The following NECTIN1 variants were observed in gnomAD, a reference collection of about 807,000 sequenced individuals.
NECTIN1 encodes nectin cell adhesion molecule 1.
Under a neutral mutation model 48.0 loss-of-function variants are expected in NECTIN1, and 23 were observed. That is an observed-to-expected ratio of 0.48 (90% CI 0.34 to 0.68). NECTIN1 has a LOEUF of 0.68. Among genes scored for constraint, NECTIN1 ranks in the 30% least tolerant of loss-of-function variants. NECTIN1 has a pLI of 0.01. For synonymous variants in NECTIN1, 270 were observed against 288.9 expected, an observed-to-expected ratio of 0.93 and a Z score of 0.66; for missense variants, 591 against 709.9, an observed-to-expected ratio of 0.83 and a Z score of 1.90.
intron 1 of NECTIN1, among the ~76,000 whole-genome samples, chr11:119,715,436 A>G (rs1370926256): frequency 4.7e-5 from 7 of 150,118 alleles, no homozygotes; most frequent in African/African-American, 1.7e-4. Flanking sequence ...GCTCAGTGCA[A>G]CCTCCGCCTC....
At position 119,664,031 on chromosome 11, in the gene NECTIN1, C is replaced by G; in HGVS notation, c.*716G>C. On this transcript the variant is annotated 3_prime_UTR_variant, in exon 6 of 6. Transcript: ENST00000264025. The stretch of plus-strand genomic sequence containing the variant: ...CACCTGGAGCCCCTAATGGAGGGGG[C>G]ACATTGGGGATAAAGAGGGGACGCG... 1.0e-6 allele frequency: 1 copy of G among 985,696 alleles called. No individual in the cohort carries two copies. Among genetic ancestry groups the G allele is most frequent in the African/African-American group, 1.7e-5 (1 of 57,240 alleles). The allele number at this position is 985,696 out of a possible 1,614,324, so 61.1% of individuals were successfully genotyped here.
rs558830026 is a variant in NECTIN1 at position 119,644,807 on chromosome 11, G to A, written c.1004-4795C>T. On this transcript the variant is annotated intron_variant, in intron 5 of 7. Coordinates refer to the NECTIN1 transcript ENST00000341398. The stretch of plus-strand genomic sequence containing the variant: ...TATATGAGGGAAATTCCAAGTATTG[G>A]ATATGGCTGGGAAATGGGCTGCAAA... Among the ~76,000 whole-genome samples the A allele has an allele frequency of 5.3e-5, 8 of 152,220 alleles. No homozygotes were observed. In the South Asian group the frequency reaches 1.7e-3, roughly 32 times the overall value.
At position 119,677,918 on chromosome 11, in the gene NECTIN1, C is replaced by T. The variant is rs147708605; in HGVS notation, c.431-61G>A. Reference sequence around the variant, plus strand: ...TGTTGACTTGTCCAAGATGCACCGGCCAAAAGGGCGTGGCATCCGTCAGGC... The same window carrying T: ...TGTTGACTTGTCCAAGATGCACCGGTCAAAAGGGCGTGGCATCCGTCAGGC... On this transcript the variant is annotated intron_variant, in intron 2 of 5. Coordinates refer to ENST00000264025, the MANE Select transcript of NECTIN1 (RefSeq NM_002855.5). The surrounding 1 kb of genome is among the most constrained non-coding windows in gnomAD (Gnocchi z 5.4). 3 of 1,553,522 alleles carry T rather than the reference C, an allele frequency of 1.9e-6. No homozygotes were observed. The highest frequency in any genetic ancestry group is 3.4e-5 in the Admixed American group (2 of 59,612).
At chr11:119,652,054 G>A (rs1315889532) in intron 5 of NECTIN1, among the ~76,000 whole-genome samples, 4 of 152,116 alleles carry the variant, frequency 2.6e-5, no homozygotes, top group African/African-American at 9.7e-5. Flanking sequence ...CCCTCCCGCC[G>A]GCTGCCATCC....
At chr11:119,639,955 A>G in exon 6 of NECTIN1, 1 of 1,614,126 alleles carries the variant, frequency 6.2e-7, no homozygotes, top group Non-Finnish European at 8.5e-7. Context: ...GAACACGGCC[A>G]CGGTGCCCGC....
chr11:119,658,832 C>A (rs1402462730), downstream of NECTIN1, among the ~76,000 whole-genome samples: 1 of 152,198 alleles, frequency 6.6e-6, no homozygotes, highest in African/African-American at 2.4e-5. Context: ...TTCCTCCCCT[C>A]CTGCTGCTCT....
chr11:119,694,253 A>G (rs754114463), intron 1 of NECTIN1, among the ~76,000 whole-genome samples: 6 of 151,976 alleles, frequency 3.9e-5, no homozygotes, highest in Admixed American at 3.9e-4. Flanking sequence ...CAGGGAGAAG[A>G]GGGGTGGGAA....
At chr11:119,667,460 C>T (rs2135544640) in intron 5 of NECTIN1, among the ~76,000 whole-genome samples, 1 of 152,296 alleles carries the variant, frequency 6.6e-6, no homozygotes, top group South Asian at 2.1e-4. Context: ...ACAGCACATG[C>T]AGATGTTAAG....
chr11:119,643,441 TAGTC>T (rs1204395158), intron 5 of NECTIN1, among the ~76,000 whole-genome samples: 1 of 152,218 alleles, frequency 6.6e-6, no homozygotes, highest in Non-Finnish European at 1.5e-5. Context: ...ATCGTCCAGA[TAGTC>T]AGTGGCTGAG....
intron 1 of NECTIN1, among the ~76,000 whole-genome samples, chr11:119,689,560 G>T (rs1029796292): frequency 3.3e-5 from 5 of 152,342 alleles, no homozygotes; most frequent in African/African-American, 1.2e-4. Context: ...GGGTGTGGGT[G>T]GGGCCCTGCT....
rs138778563 is a variant in NECTIN1 at position 119,723,975 on chromosome 11, C to G, written c.79+4500G>C. 4.8e-3 allele frequency among the ~76,000 whole-genome samples: 737 copies of G among 152,328 alleles called. 7 individuals are homozygous for G. The highest frequency in any genetic ancestry group is 0.017 in the African/African-American group (703 of 41,568). ...TCCCAGGACCACCCTCTTCCCCACT[C>G]CTTGTCCCTTATTCCCACTTCTTTT... On this transcript the variant is annotated intron_variant, in intron 1 of 5. Coordinates refer to ENST00000264025, the MANE Select transcript of NECTIN1 (RefSeq NM_002855.5).
intron 5 of NECTIN1, among the ~76,000 whole-genome samples, chr11:119,666,277 G>A (rs1864768581): frequency 1.3e-5 from 2 of 152,244 alleles, no homozygotes; most frequent in African/African-American, 2.4e-5. Flanking sequence ...GCATGCCTGT[G>A]CCGACATGAT....
At chr11:119,658,610 T>C (rs1019538744), downstream of NECTIN1, among the ~76,000 whole-genome samples, 3 of 152,186 alleles carry the variant, frequency 2.0e-5, no homozygotes, top group African/African-American at 7.2e-5. Context: ...GTCCTTCTCA[T>C]TCTTCAAACC....
chr11:119,676,815 G>A (rs1158050353), intron 4 of NECTIN1: 3 of 471,168 alleles, frequency 6.4e-6, no homozygotes, highest in South Asian at 2.1e-5. Flanking sequence ...ATCACCAAAG[G>A]AAAACGACAA....
At chr11:119,724,721 C>A (rs1175943720) in intron 1 of NECTIN1, among the ~76,000 whole-genome samples, 3 of 152,198 alleles carry the variant, frequency 2.0e-5, no homozygotes, top group African/African-American at 7.2e-5. Context: ...ACCTTCTACT[C>A]CTAGTCCCCA....
At chr11:119,676,539 G>A (rs1182759828) in intron 4 of NECTIN1, among the ~76,000 whole-genome samples, 1 of 152,214 alleles carries the variant, frequency 6.6e-6, no homozygotes, top group East Asian at 1.9e-4. Flanking sequence ...GGCCCCAGCT[G>A]TCAGAGCCGG....
At chr11:119,682,255 GGAAA>G (rs1565390190) in intron 1 of NECTIN1, among the ~76,000 whole-genome samples, 1 of 152,094 alleles carries the variant, frequency 6.6e-6, no homozygotes, top group Admixed American at 6.5e-5. Flanking sequence ...GATCACCACC[GGAAA>G]GAAAGAAAGA....
rs187604121 is a variant in NECTIN1, at chr11:119,710,883, C to T, written c.79+17592G>A. The stretch of plus-strand genomic sequence containing the variant: ...GCGCCCGCCTGTCAAACCACACATC[C>T]ACGCACAACTTCACACACACATAAC... On this transcript the variant is annotated intron_variant, in intron 1 of 5. Coordinates refer to ENST00000264025, the MANE Select transcript of NECTIN1 (RefSeq NM_002855.5). Among the ~76,000 whole-genome samples, 105 of 152,250 alleles carry T rather than the reference C, an allele frequency of 6.9e-4. No homozygotes were observed. In the East Asian group the frequency reaches 0.014, roughly 20 times the overall value.
At chr11:119,724,177 ATTCTTT>A (rs1339632588) in intron 1 of NECTIN1, among the ~76,000 whole-genome samples, 1 of 152,122 alleles carries the variant, frequency 6.6e-6, no homozygotes, top group African/African-American at 2.4e-5. Flanking sequence ...ACACACCATG[ATTCTTT>A]TTCTTAAATA....
Sources: allele counts gnomAD v4.1 joint callset (sites outside exome capture counted in the v4.1 genomes callset), GRCh38; gene constraint gnomAD v4.1.1; non-coding constraint Gnocchi (gnomAD v3.1); transcripts MANE v1.5; gene names NCBI Gene and HGNC (gene_info 2026-07-23, HGNC 2026-07-21).